The following ZNF267 variants were observed in gnomAD, a reference collection of about 807,000 sequenced individuals.
ZNF267 encodes the protein zinc finger (C2H2).
In ZNF267, 61 loss-of-function variants were observed where a neutral mutation model predicts 71.6. The ratio of observed to expected loss-of-function variants is 0.85; its 90% CI spans 0.69 to 1.05. The LOEUF (loss-of-function observed/expected upper bound fraction) is 1.05, where lower values mean the gene tolerates loss of function less well. Among genes scored for constraint, ZNF267 ranks in the 50% least tolerant of loss-of-function variants. ZNF267 has a pLI of 0.00. For missense variants in ZNF267, 852 were observed against 870.0 expected, an observed-to-expected ratio of 0.98 and a Z score of 0.26; for synonymous variants, 288 against 293.2, an observed-to-expected ratio of 0.98 and a Z score of 0.18.
In ZNF267 at chr16:31,916,324, A is replaced by C; in HGVS notation, c.2075A>C (p.Glu692Ala). 1 of 1,614,098 alleles carries C rather than the reference A, an allele frequency of 6.2e-7. No homozygotes were observed. Among genetic ancestry groups the C allele is most frequent in the South Asian group, 1.1e-5 (1 of 91,070 alleles). ...HTGERPYKCD[E>A]CGKAFSYRSY... ...GGAGAGAGACCCTACAAATGTGATG[A>C]ATGTGGTAAAGCCTTCAGCTATAGG... is the stretch of plus-strand genomic sequence containing the variant. Residue 692 changes from glutamate to alanine, a missense_variant, in exon 4 of 4, where the codon GAA becomes GCA. Transcript: ENST00000300870.
chr16:31,915,170 A>G lies in ZNF267; in HGVS notation c.921A>G (p.Ser307=), dbSNP rs748529477. ...AATATGATAAAGATCTTAGTCAGTC[A>G]TCAAATCTTAGAAAGCAGATAATCC... ...YNKYDKDLSQ[S]SNLRKQIIHN... Residue 307 remains serine, a synonymous_variant, in exon 4 of 4, where the codon TCA becomes TCG. Coordinates refer to ENST00000300870, the MANE Select transcript of ZNF267 (RefSeq NM_003414.6). 1.9e-6 allele frequency: 3 copies of G among 1,613,064 alleles called. No homozygotes were observed. Among genetic ancestry groups the G allele is most frequent in the Non-Finnish European group, 2.5e-6 (3 of 1,179,690 alleles).
At chr16:31,879,823 G>C (rs574644106) in intron 1 of ZNF267, among the ~76,000 whole-genome samples, 1 of 152,242 alleles carries the variant, frequency 6.6e-6, no homozygotes, top group East Asian at 1.9e-4. Context: ...AACCAACCAG[G>C]CACACACATA....
intron 3 of ZNF267, among the ~76,000 whole-genome samples, chr16:31,900,498 G>A (rs1315654805): frequency 2.0e-5 from 3 of 152,090 alleles, no homozygotes; most frequent in Admixed American, 2.0e-4. Context: ...AGGCTGGAGT[G>A]TGGTGGCGAG....
rs776414735 is a variant in ZNF267, at chr16:31,873,831, A to G, written c.-136A>G. 7.9e-6 allele frequency: 10 copies of G among 1,272,292 alleles called. No homozygotes were observed. Among genetic ancestry groups the G allele is most frequent in the African/African-American group, 1.5e-5 (1 of 68,010 alleles). The allele number at this position is 1,272,292 out of a possible 1,614,324, so 78.8% of individuals were successfully genotyped here. On this transcript the variant is annotated 5_prime_UTR_variant, in exon 1 of 4. Coordinates refer to ENST00000300870, the MANE Select transcript of ZNF267 (RefSeq NM_003414.6). ...CAGTTAGAGCTCGGGTCTCCTCGCC[A>G]CAGCTCCGAGTCTTTCGTTCTGGGA...
chr16:31,885,920 G>T (rs181105349), intron 3 of ZNF267, among the ~76,000 whole-genome samples: 1 of 152,088 alleles, frequency 6.6e-6, no homozygotes, highest in Non-Finnish European at 1.5e-5. Context: ...AGTTTAATGT[G>T]TATTACTTAT....
intron 1 of ZNF267, among the ~76,000 whole-genome samples, chr16:31,878,243 C>G (rs2083865822): frequency 6.6e-6 from 1 of 152,134 alleles, no homozygotes; most frequent in Non-Finnish European, 1.5e-5. Context: ...AGGCTGTGTT[C>G]TGCACACAGG....
At position 31,916,381 on chromosome 16, in the gene ZNF267, G is replaced by A; in HGVS notation, c.2132G>A (p.Ser711Asn). 1 of 1,593,894 alleles carries A rather than the reference G, an allele frequency of 6.3e-7. No homozygotes were observed. Among genetic ancestry groups the A allele is most frequent in the African/African-American group, 1.4e-5 (1 of 70,118 alleles). ...SYLTTHRRSH[S>N]GERPYKCEEC... ...CTCACTACACATCGGAGAAGTCATA[G>A]TGGAGAGAGACCCTACAAATGTGAA... The change falls in exon 4 of 4, where the codon AGT becomes AAT. Residue 711 changes from serine (S) to asparagine (N), a missense_variant. Physicochemically the swap from Ser to Asn is conservative, Grantham distance 46. Coordinates refer to ENST00000300870, the MANE Select transcript of ZNF267 (RefSeq NM_003414.6).
At chr16:31,877,441 G>A (rs1480655686) in intron 1 of ZNF267, among the ~76,000 whole-genome samples, 2 of 152,118 alleles carry the variant, frequency 1.3e-5, no homozygotes, top group Admixed American at 6.5e-5. Context: ...GGTAGGAGGG[G>A]AAGGGCAGGA....
At chr16:31,875,180 C>A (rs1329642344) in intron 1 of ZNF267, 1 of 1,289,040 alleles carries the variant, frequency 7.8e-7, no homozygotes, top group Non-Finnish European at 1.0e-6. Flanking sequence ...TCTATCCAGT[C>A]TTTTCCTGTT....
At chr16:31,912,585 T>C (rs1193992355) in intron 3 of ZNF267, 1 of 151,700 alleles carries the variant, frequency 6.6e-6, no homozygotes, top group Non-Finnish European at 1.5e-5. Flanking sequence ...TCTTTATAGA[T>C]TTGGGAAGTT....
intron 3 of ZNF267, among the ~76,000 whole-genome samples, chr16:31,909,239 C>G (rs2084117484): frequency 7.0e-6 from 1 of 142,398 alleles, no homozygotes; most frequent in Non-Finnish European, 1.5e-5. Flanking sequence ...TCAAGTGATT[C>G]TCCTGCCGCA....
At chr16:31,903,483 TAG>T (rs1262135192) in intron 3 of ZNF267, among the ~76,000 whole-genome samples, 1 of 152,166 alleles carries the variant, frequency 6.6e-6, no homozygotes, top group African/African-American at 2.4e-5. Context: ...TTGGTCTGTT[TAG>T]AGACTCAACT....
intron 3 of ZNF267, among the ~76,000 whole-genome samples, chr16:31,905,658 T>G (rs942163410): frequency 5.9e-5 from 9 of 152,212 alleles, no homozygotes; most frequent in Non-Finnish European, 1.2e-4. Context: ...AGGACTTCTC[T>G]GCATTGGTTA....
At position 31,914,924 on chromosome 16, in the gene ZNF267, G is replaced by T; in HGVS notation, c.675G>T (p.Leu225Phe). The T allele has an allele frequency of 6.2e-7, 1 of 1,611,292 alleles. No homozygotes were observed. The highest frequency in any genetic ancestry group is 8.5e-7 in the Non-Finnish European group (1 of 1,179,256). ...ATTGCAATAATTCTGAAAAAACCTTGAACCAAAGCTCAAGCCCTAAAAATC... is the reference window on the plus strand; with the variant it reads ...ATTGCAATAATTCTGAAAAAACCTTTAACCAAAGCTCAAGCCCTAAAAATC... ...NYHCNNSEKT[L>F]NQSSSPKNHQ... The change falls in exon 4 of 4, where the codon TTG becomes TTT. Residue 225 changes from leucine (L) to phenylalanine (F), a missense_variant. Physicochemically the swap from Leu to Phe is conservative, Grantham distance 22. Coordinates refer to ENST00000300870, the MANE Select transcript of ZNF267 (RefSeq NM_003414.6).
intron 3 of ZNF267, among the ~76,000 whole-genome samples, chr16:31,903,758 T>A (rs1219333978): frequency 6.6e-6 from 1 of 152,256 alleles, no homozygotes; most frequent in African/African-American, 2.4e-5. Context: ...CATTGATTTT[T>A]TGAAGGGTTT....
intron 3 of ZNF267, among the ~76,000 whole-genome samples, chr16:31,892,615 T>C (rs916863748): frequency 1.3e-5 from 2 of 152,150 alleles, no homozygotes; most frequent in Non-Finnish European, 2.9e-5. Flanking sequence ...CCTAGATACA[T>C]TGGGGGTGCA....
intron 3 of ZNF267, among the ~76,000 whole-genome samples, chr16:31,905,280 T>G (rs2084078973): frequency 6.6e-6 from 1 of 152,172 alleles, no homozygotes; most frequent in Non-Finnish European, 1.5e-5. Context: ...TTGCTCTTCT[T>G]GAGGAGTATC....
chr16:31,885,621 T>G (rs1567472859), intron 3 of ZNF267, among the ~76,000 whole-genome samples: 1 of 152,234 alleles, frequency 6.6e-6, no homozygotes, highest in Non-Finnish European at 1.5e-5. Flanking sequence ...TTTTGCCTCA[T>G]GTCAGAAGTG....
At chr16:31,888,855 G>GT (rs1567473781) in intron 3 of ZNF267, among the ~76,000 whole-genome samples, 1 of 151,884 alleles carries the variant, frequency 6.6e-6, no homozygotes, top group Non-Finnish European at 1.5e-5. Flanking sequence ...TTTTCTTTCA[G>GT]TTTTTTGGAA....
Sources: allele counts gnomAD v4.1 joint callset (sites outside exome capture counted in the v4.1 genomes callset), GRCh38; gene constraint gnomAD v4.1.1; transcripts MANE v1.5; gene names NCBI Gene and HGNC (gene_info 2026-07-23, HGNC 2026-07-21).